Variants in GLMN observed in about 807,000 individuals in gnomAD.
GLMN encodes glomulin.
GLMN carries 75 observed loss-of-function variants against 87.8 expected under a neutral mutation model. That is an observed-to-expected ratio of 0.85 (90% CI 0.71 to 1.04). GLMN has a LOEUF of 1.04. Among genes scored for constraint, GLMN ranks in the 50% least tolerant of loss-of-function variants. GLMN has a pLI of 0.00. For synonymous variants in GLMN, 206 were observed against 221.6 expected (o/e 0.93, Z 0.63); for missense variants, 588 against 658.8 (o/e 0.89, Z 1.18).
the GLMN span, among the ~76,000 whole-genome samples, chr1:92,366,525 T>C: frequency 2.0e-5 from 3 of 152,192 alleles, no homozygotes; most frequent in East Asian, 3.8e-4. Flanking sequence ...CAGGGAGCTA[T>C]TGTGTTACTT....
At chr1:92,293,145 G>T (rs1649613411) in intron 3 of GLMN, among the ~76,000 whole-genome samples, 1 of 151,994 alleles carries the variant, frequency 6.6e-6, no homozygotes, top group African/African-American at 2.4e-5. Context: ...TAAAAAATTG[G>T]CAAAAGATTT....
At chr1:92,344,860 A>T in the GLMN span, among the ~76,000 whole-genome samples, 2 of 152,030 alleles carry the variant, frequency 1.3e-5, no homozygotes, top group African/African-American at 4.8e-5. Context: ...GTCCATTTCA[A>T]ATTTCCTCCT....
chr1:92,308,834 C>A, the GLMN span, among the ~76,000 whole-genome samples: 1 of 152,044 alleles, frequency 6.6e-6, no homozygotes, highest in Non-Finnish European at 1.5e-5. Context: ...GTGGCGGGCA[C>A]CTGTAATCCC....
chr1:92,337,745 T>G, the GLMN span, among the ~76,000 whole-genome samples: 2 of 152,136 alleles, frequency 1.3e-5, no homozygotes, highest in African/African-American at 4.8e-5. Flanking sequence ...ATATATAATT[T>G]AGGAATTTTT....
the GLMN span, chr1:92,345,722 A>G: frequency 1.6e-6 from 1 of 606,840 alleles, no homozygotes; most frequent in South Asian, 2.2e-5. Flanking sequence ...CCTGTCAAAT[A>G]TAACAAGTAT....
At chr1:92,362,512 CTGTT>C in the GLMN span, among the ~76,000 whole-genome samples, 2 of 152,116 alleles carry the variant, frequency 1.3e-5, no homozygotes, top group Non-Finnish European at 2.9e-5. Flanking sequence ...TGGGATTTGG[CTGTT>C]TGTCATTTTA....
intron 16 of GLMN, among the ~76,000 whole-genome samples, chr1:92,255,556 A>G (rs1019704798): frequency 6.6e-6 from 1 of 152,200 alleles, no homozygotes; most frequent in African/African-American, 2.4e-5. Context: ...AATTGTAACA[A>G]ACTGTCTCTT....
the GLMN span, among the ~76,000 whole-genome samples, chr1:92,364,299 G>C: frequency 8.5e-5 from 13 of 152,136 alleles, no homozygotes; most frequent in South Asian, 2.1e-4. Flanking sequence ...GTTTTGCTAG[G>C]TAGAAAAGCT....
intron 9 of GLMN, 70 bp downstream of exon 9, chr1:92,269,653 T>C: frequency 1.0e-6 from 1 of 988,366 alleles, no homozygotes; most frequent in East Asian, 2.4e-5. Context: ...AAAGGCAGTC[T>C]CCGCTGATCT....
At chr1:92,250,955 C>G (rs1486942181) in intron 16 of GLMN, among the ~76,000 whole-genome samples, 1 of 152,092 alleles carries the variant, frequency 6.6e-6, no homozygotes, top group Non-Finnish European at 1.5e-5. Flanking sequence ...TTCCCATGAC[C>G]CAGAAATTTC....
chr1:92,280,621 T>C (rs923345443), intron 7 of GLMN, among the ~76,000 whole-genome samples: 25 of 152,132 alleles, frequency 1.6e-4, no homozygotes, highest in Admixed American at 1.5e-3. Context: ...ATGAGTTTGA[T>C]GAGTTGACAG....
chr1:92,306,168 G>GA, the GLMN span, among the ~76,000 whole-genome samples: 1 of 152,142 alleles, frequency 6.6e-6, no homozygotes, highest in Non-Finnish European at 1.5e-5. Context: ...GAGGTACCTA[G>GA]AGAAGTCAGA....
chr1:92,264,894 T>A (rs945961406), intron 13 of GLMN, among the ~76,000 whole-genome samples: 6 of 152,194 alleles, frequency 3.9e-5, no homozygotes, highest in Non-Finnish European at 8.8e-5. Flanking sequence ...CAGGCTGGAG[T>A]GCAGTGGCAC....
intron 11 of GLMN, 134 bp from the exon 12 acceptor site, chr1:92,266,875 T>C (rs974739662): frequency 1.6e-6 from 1 of 641,104 alleles, no homozygotes; most frequent in Non-Finnish European, 2.8e-6. Context: ...AGTAAATTAA[T>C]TTTTCCCTAA....
At chr1:92,337,835 A>G in the GLMN span, among the ~76,000 whole-genome samples, 14 of 152,134 alleles carry the variant, frequency 9.2e-5, no homozygotes, top group African/African-American at 3.4e-4. Flanking sequence ...CAGGTCTTCA[A>G]GGTTATTTTC....
At chr1:92,267,619 G>C (rs571735273) in intron 11 of GLMN, among the ~76,000 whole-genome samples, 2 of 151,994 alleles carry the variant, frequency 1.3e-5, no homozygotes, top group East Asian at 1.9e-4. Flanking sequence ...CAGGAGAATG[G>C]AATGAACCCA....
chr1:92,297,489 C>A lies in GLMN; in HGVS notation c.80G>T (p.Gly27Val). 2 of 1,611,378 alleles carry A rather than the reference C, an allele frequency of 1.2e-6. No homozygotes were observed. The highest frequency in any genetic ancestry group is 1.7e-6 in the Non-Finnish European group (2 of 1,179,318). ...EEQDFKEEDF[G>V]LFQLAGQRCI... The stretch of plus-strand genomic sequence containing the variant: ...TCTTTGCCCAGCTAACTGAAATAGG[C>A]CAAAATCCTCTTCTTTAAAGTCTTG... Residue 27 changes from glycine to valine, a missense_variant, in exon 3 of 19, where the codon GGC becomes GTC. Physicochemically the swap from Gly to Val is moderately radical, Grantham distance 109. Transcript: ENST00000370360.
rs777284186 is a variant in GLMN at position 92,271,650 on chromosome 1, A to C, written c.738T>G (p.Gly246=). 6.2e-7 allele frequency: 1 copy of C among 1,608,504 alleles called. No individual in the cohort carries two copies. Residue 246 remains glycine, a splice_region_variant and synonymous_variant, in exon 8 of 19, where the codon GGT becomes GGG. Coordinates refer to ENST00000370360, the MANE Select transcript of GLMN (RefSeq NM_053274.3). ...AAGGGTGTCCAATTGCTGATAAAAA[A>C]CCCTATGAAATGGATAAAAAAGGAA... ...PFRYFASEII[G]FLSAIGHPFP...
upstream of GLMN, among the ~76,000 whole-genome samples, chr1:92,303,147 C>A (rs1467935721): frequency 6.6e-6 from 1 of 152,150 alleles, no homozygotes; most frequent in South Asian, 2.1e-4. Flanking sequence ...AAACTCAAAG[C>A]TTCTATTACA....
Sources: gnomAD v4.1 joint callset for allele counts (sites outside exome capture counted in the v4.1 genomes callset) on GRCh38, gnomAD v4.1.1 for gene constraint, MANE v1.5 for transcripts, NCBI Gene and HGNC (gene_info 2026-07-23, HGNC 2026-07-21) for gene names.